NOM1: variants seen among roughly 807,000 people sequenced by gnomAD.
NOM1 encodes nucleolar MIF4G domain-containing protein 1.
Under a neutral mutation model 73.3 loss-of-function variants are expected in NOM1, and 58 were observed. The observed-to-expected ratio is 0.79, with a 90% CI of 0.64 to 0.99. The LOEUF (loss-of-function observed/expected upper bound fraction) is 0.99, where lower values mean the gene tolerates loss of function less well. NOM1 is among the 50% of genes least tolerant of loss of function. The probability of loss-of-function intolerance (pLI) is 0.00; values close to 1 mark genes in which losing one functional copy is unlikely to be tolerated. For missense variants in NOM1, 1,226 were observed against 1,131.9 expected (o/e 1.08, Z -1.19); for synonymous variants, 487 against 446.8 (o/e 1.09, Z -1.14).
In NOM1 at chr7:156,969,164, A is replaced by C; in HGVS notation, c.2376A>C (p.Thr792=). 6.3e-7 allele frequency: 1 copy of C among 1,588,796 alleles called. No homozygotes were observed. The highest frequency in any genetic ancestry group is 1.1e-5 in the South Asian group (1 of 90,598). The change falls in exon 10 of 11, where the codon ACA becomes ACC. Residue 792 remains threonine, a synonymous_variant. Coordinates refer to ENST00000275820, the MANE Select transcript of NOM1 (RefSeq NM_138400.2). The part of the protein sequence containing the change: ...RKVLSILLME[T]EVEDLSLIFT... ...TATTAAGTATCCTATTAATGGAAAC[A>C]GAAGTTGAAGACCTCAGTTTAATTT...
rs1355638390 is a variant in NOM1 at position 156,969,227 on chromosome 7, G to C, written c.2408+31G>C. 2.7e-6 allele frequency: 3 copies of C among 1,104,930 alleles called. No individual in the cohort carries two copies. In the Admixed American group the frequency reaches 5.2e-5, roughly 19 times the overall value. The allele number at this position is 1,104,930 out of a possible 1,614,324, so 68.4% of individuals were successfully genotyped here. A position where few individuals can be genotyped will look rare whatever the true frequency, so the allele number is the denominator to read the frequency against. ...TGCCCCACCCTTTCCGACGAGACAT[G>C]GAAGAGAAATGAAGAGATTGTTTTC... On this transcript the variant is annotated intron_variant, in intron 10 of 10. Transcript: ENST00000275820.
At chr7:156,964,165 G>A in intron 7 of NOM1, 139 bp downstream of exon 7, 1 of 792,766 alleles carries the variant, frequency 1.3e-6, no homozygotes, top group Non-Finnish European at 1.9e-6. Context: ...ATCCGCTCAC[G>A]CTGTTGGATT....
At chr7:156,957,774 C>CAAAAAAAAAAAAAAAAAAA (rs10549596) in intron 3 of NOM1, among the ~76,000 whole-genome samples, 4 of 115,542 alleles carry the variant, frequency 3.5e-5, no homozygotes, top group Admixed American at 8.7e-5. Flanking sequence ...GACTCCGTCT[C>CAAAAAAAAAAAAAAAAAAA]AAAAAAAAAA....
Position 156,956,629 on chromosome 7 carries a change from G to A in NOM1, c.1308+2331G>A, listed in dbSNP as rs139260778. ...AAGGCCTGTGGGGCATTAGGAAGCT[G>A]AGGGCTGGAGAGAGGGGCACAGGCC... is the stretch of plus-strand genomic sequence containing the variant. On this transcript the variant is annotated intron_variant, in intron 3 of 10. Coordinates refer to ENST00000275820, the MANE Select transcript of NOM1 (RefSeq NM_138400.2). Among the ~76,000 whole-genome samples the A allele has an allele frequency of 5.1e-4, 77 of 152,380 alleles. 1 individual carries two copies. The highest frequency in any genetic ancestry group is 1.8e-3 in the African/African-American group (73 of 41,590).
intron 2 of NOM1, among the ~76,000 whole-genome samples, chr7:156,953,010 T>G (rs1316572781): frequency 6.6e-6 from 1 of 152,236 alleles, no homozygotes; most frequent in Non-Finnish European, 1.5e-5. Flanking sequence ...ACAGAACATT[T>G]AAAAAACTGA....
chr7:156,966,332 A>G lies in NOM1; in HGVS notation c.2096A>G (p.Gln699Arg), dbSNP rs983541311. 8.7e-6 allele frequency: 14 copies of G among 1,614,110 alleles called. No homozygotes were observed. Among genetic ancestry groups the G allele is most frequent in the African/African-American group, 2.7e-5 (2 of 74,948 alleles). ...CACGTTCTCATGGATTGCTGCCTTC[A>G]AGAGAAAACTTACAATCCCTTCTAT... ...IIHVLMDCCLQEKTYNPFYAF... is the reference protein window; with the variant it reads ...IIHVLMDCCLREKTYNPFYAF... The change falls in exon 8 of 11, where the codon CAA becomes CGA. Residue 699 changes from glutamine to arginine, a missense_variant. Coordinates refer to ENST00000275820, the MANE Select transcript of NOM1 (RefSeq NM_138400.2).
chr7:156,968,917 C>T, intron 9 of NOM1, 170 bp from the exon 10 acceptor site: 1 of 560,946 alleles, frequency 1.8e-6, no homozygotes, highest in Non-Finnish European at 3.2e-6. Context: ...CCAAGGCCCA[C>T]ATCCTTGCCA....
rs148795483 is a variant in NOM1, at chr7:156,949,981, C to T, written c.244C>T (p.Arg82Cys). 29 of 1,540,628 alleles carry T rather than the reference C, an allele frequency of 1.9e-5. No individual in the cohort carries two copies. In the Admixed American group the frequency reaches 2.0e-4, roughly 10 times the overall value. The stretch of plus-strand genomic sequence containing the variant: ...CTTTCGCCCGGGAGGGAGAAAAAGC[C>T]GTAAGGAACTGAGGAAGGAGAAGCG... ...VSFRPGGRKSRKELRKEKRHL... is the reference protein window; with the variant it reads ...VSFRPGGRKSCKELRKEKRHL... The change falls in exon 1 of 11, where the codon CGT becomes TGT. Residue 82 changes from arginine to cysteine, a missense_variant. Physicochemically the swap from Arg to Cys is radical, Grantham distance 180 (BLOSUM62 -3). Coordinates refer to ENST00000275820, the MANE Select transcript of NOM1 (RefSeq NM_138400.2).
chr7:156,968,484 C>A (rs1023335163), intron 9 of NOM1, among the ~76,000 whole-genome samples: 4 of 152,094 alleles, frequency 2.6e-5, no homozygotes, highest in South Asian at 2.1e-4. Context: ...TGCGTTTAGT[C>A]CCCTCCTCTA....
chr7:156,953,734 A>G (rs946980952), intron 2 of NOM1, among the ~76,000 whole-genome samples: 1 of 152,230 alleles, frequency 6.6e-6, no homozygotes, highest in Non-Finnish European at 1.5e-5. Context: ...CACCTAAGAA[A>G]TAAAACGTTA....
chr7:156,963,012 G>C lies in NOM1; in HGVS notation c.1748G>C (p.Arg583Pro), dbSNP rs774647900. 3 of 1,611,370 alleles carry C rather than the reference G, an allele frequency of 1.9e-6. No individual in the cohort carries two copies. The South Asian group carries it at 3.3e-5, about 18-fold the overall frequency. ...TAGCTCTTCTCTCTTCATCAGGTCCGCAACGCCGGCTCAGGTTCTGAGACG... is the reference window on the plus strand; with the variant it reads ...TAGCTCTTCTCTCTTCATCAGGTCCCCAACGCCGGCTCAGGTTCTGAGACG... ...KLRKLQRALV[R>P]NAGSGSETQL... The change falls in exon 6 of 11, where the codon CGC becomes CCC. Residue 583 changes from arginine (R) to proline (P), a missense_variant. Transcript: ENST00000275820.
At position 156,959,899 on chromosome 7, in the gene NOM1, TATAA is replaced by T. The variant is rs1224976834; in HGVS notation, c.1361_1364del (p.Lys454ThrfsTer33). ...AGTGGTGAGGAAGTTCGATGCCATC[TATAA>T]ATACGGAAGCGAAGGGAAAGAGTGT... On this transcript the variant is annotated frameshift_variant, in exon 4 of 11. Coordinates refer to ENST00000275820, the MANE Select transcript of NOM1 (RefSeq NM_138400.2). LOFTEE classifies it high-confidence loss of function. 6.2e-7 allele frequency: 1 copy of T among 1,614,240 alleles called. No individual in the cohort carries two copies. The highest frequency in any genetic ancestry group is 8.5e-7 in the Non-Finnish European group (1 of 1,180,034).
intron 3 of NOM1, among the ~76,000 whole-genome samples, chr7:156,957,774 CAAAAAAAAA>C (rs10549596): frequency 8.7e-5 from 10 of 115,542 alleles, no homozygotes; most frequent in East Asian, 3.3e-4. Flanking sequence ...GACTCCGTCT[CAAAAAAAAA>C]AAAAAAAAAA....
intron 2 of NOM1, 116 bp from the exon 3 acceptor site, chr7:156,953,986 AG>A (rs1328449709): frequency 1.3e-6 from 1 of 787,244 alleles, no homozygotes; most frequent in African/African-American, 1.8e-5. Context: ...AGGGGTCAAA[AG>A]TGTACATAAA....
rs565682223 is a variant in NOM1, at chr7:156,965,159, G to A, written c.2034-1111G>A. ...TCTACGTGGGGCTGTGCTGTTTGCA[G>A]TGGAGCTGGTGCTCCTCTCCTGAGG... On this transcript the variant is annotated intron_variant, in intron 7 of 10. Coordinates refer to ENST00000275820, the MANE Select transcript of NOM1 (RefSeq NM_138400.2). 2.0e-5 allele frequency among the ~76,000 whole-genome samples: 3 copies of A among 152,366 alleles called. No individual in the cohort carries two copies. In the East Asian group the frequency reaches 5.8e-4, roughly 29 times the overall value.
chr7:156,966,119 C>T (rs1484804489), intron 7 of NOM1, 151 bp from the exon 8 acceptor site: 1 of 874,394 alleles, frequency 1.1e-6, no homozygotes, highest in Non-Finnish European at 1.8e-6. Flanking sequence ...GGGCTGGGCC[C>T]CTAGCTGGTG....
intron 4 of NOM1, among the ~76,000 whole-genome samples, chr7:156,960,658 A>G (rs1352753147): frequency 6.6e-6 from 1 of 152,224 alleles, no homozygotes; most frequent in Non-Finnish European, 1.5e-5. Flanking sequence ...GGGCATCACA[A>G]GAGAAAAAGG....
Position 156,949,834 on chromosome 7 carries a change from G to C in NOM1, c.97G>C (p.Gly33Arg), listed in dbSNP as rs1804526659. The change falls in exon 1 of 11, where the codon GGT (glycine) becomes CGT (arginine). Residue 33 changes from glycine (G) to arginine (R), a missense_variant. Coordinates refer to ENST00000275820, the MANE Select transcript of NOM1 (RefSeq NM_138400.2). Reference sequence around the variant, plus strand: ...CAGAGGCGGGCGCGGGCCGCGCCGCGGTCCTGCTGGCGGTGGGGAGAAGGC... The same window carrying C: ...CAGAGGCGGGCGCGGGCCGCGCCGCCGTCCTGCTGGCGGTGGGGAGAAGGC... Reference protein sequence around the residue: ...KRRGGRGPRRGPAGGGEKALK... With the variant: ...KRRGGRGPRRRPAGGGEKALK... 8.3e-6 allele frequency: 12 copies of C among 1,449,390 alleles called. No individual in the cohort carries two copies. Among genetic ancestry groups the C allele is most frequent in the African/African-American group, 1.5e-5 (1 of 68,552 alleles). The allele number at this position is 1,449,390 out of a possible 1,614,324, so 89.8% of individuals were successfully genotyped here. A position where few individuals can be genotyped will look rare whatever the true frequency, so the allele number is the denominator to read the frequency against.
chr7:156,954,106 G>C lies in NOM1; in HGVS notation c.1116G>C (p.Leu372Phe). The C allele has an allele frequency of 6.2e-7, 1 of 1,606,154 alleles. No homozygotes were observed. Among genetic ancestry groups the C allele is most frequent in the Non-Finnish European group, 8.5e-7 (1 of 1,177,758 alleles). Residue 372 changes from leucine to phenylalanine, a missense_variant, in exon 3 of 11, where the codon TTG becomes TTC. Leu to Phe is a conservative substitution (Grantham distance 22). Coordinates refer to ENST00000275820, the MANE Select transcript of NOM1 (RefSeq NM_138400.2). ...KKHVKGLLNR[L>F]SEPNMASISG... ...CTGTCTTTACAATTCTCTGCAGGTT[G>C]AGTGAACCCAACATGGCTTCCATCA...
Sources: allele counts gnomAD v4.1 joint callset (sites outside exome capture counted in the v4.1 genomes callset), GRCh38; gene constraint gnomAD v4.1.1; transcripts MANE v1.5; gene names NCBI Gene and HGNC (gene_info 2026-07-23, HGNC 2026-07-21).